Variants in ZNF410 observed in about 807,000 individuals in gnomAD.
ZNF410 encodes the protein another partner for ARF 1.
Under a neutral mutation model 54.8 loss-of-function variants are expected in ZNF410, and 18 were observed. The observed-to-expected ratio is 0.33, with a 90% confidence interval of 0.23 to 0.49. The LOEUF (loss-of-function observed/expected upper bound fraction) is 0.49, where lower values mean the gene tolerates loss of function less well. ZNF410 is among the 20% of genes least tolerant of loss of function. The pLI, the probability that ZNF410 is intolerant of heterozygous loss-of-function variation, is 0.99. For missense variants in ZNF410, 405 were observed against 569.6 expected (o/e 0.71, Z 2.94); for synonymous variants, 191 against 207.3 (o/e 0.92, Z 0.68).
chr14:73,911,400 G>A (rs183760639), intron 8 of ZNF410, among the ~76,000 whole-genome samples: 7 of 152,324 alleles, frequency 4.6e-5, no homozygotes, highest in South Asian at 2.1e-4. Flanking sequence ...GCAAGCTACT[G>A]CAGCAGGAGC....
At chr14:73,926,424 GTTTTGTTTTGT>G (rs1335393370) in intron 11 of ZNF410, among the ~76,000 whole-genome samples, 2 of 150,516 alleles carry the variant, frequency 1.3e-5, no homozygotes, top group Non-Finnish European at 3.0e-5. Context: ...TGGGTTTTTT[GTTTTGTTTTGT>G]TTTTGTTTTT....
chr14:73,917,921 T>TA (rs2055692294), intron 8 of ZNF410, among the ~76,000 whole-genome samples: 1 of 152,170 alleles, frequency 6.6e-6, no homozygotes, highest in Non-Finnish European at 1.5e-5. Context: ...ACCCCACAGA[T>TA]ACCAAAATCC....
In ZNF410 at chr14:73,909,400, A is replaced by T; in HGVS notation, c.973A>T (p.Ser325Cys). The change falls in exon 8 of 12, where the codon AGC becomes TGC. Residue 325 changes from serine (S) to cysteine (C), a missense_variant. Ser to Cys is a moderately radical substitution (Grantham distance 112). Coordinates refer to ENST00000555044, the MANE Select transcript of ZNF410 (RefSeq NM_021188.3). ...GCGRSFAEYS[S>C]LRKHLVVHSG... ...TGGCCGTTCCTTTGCTGAGTATTCT[A>T]GCCTCCGAAAACATCTGGTGGTTCA... 1 of 1,614,122 alleles carries T rather than the reference A, an allele frequency of 6.2e-7. No individual in the cohort carries two copies. The highest frequency in any genetic ancestry group is 8.5e-7 in the Non-Finnish European group (1 of 1,180,012).
chr14:73,908,739 A>G (rs1311894599), intron 7 of ZNF410, among the ~76,000 whole-genome samples: 1 of 152,204 alleles, frequency 6.6e-6, no homozygotes, highest in African/African-American at 2.4e-5. Context: ...GCTTACAAAA[A>G]TTACTGCAAC....
intron 5 of ZNF410, among the ~76,000 whole-genome samples, chr14:73,901,791 G>A (rs2055411079): frequency 6.6e-6 from 1 of 151,378 alleles, no homozygotes; most frequent in Non-Finnish European, 1.5e-5. Flanking sequence ...TTAGCCAGGT[G>A]TGGTAGTGCA....
rs2055582260 is a variant in ZNF410 at position 73,911,707 on chromosome 14, T to C, written c.1003+2277T>C. Among the ~76,000 whole-genome samples the C allele has an allele frequency of 2.6e-5, 4 of 152,214 alleles. No individual in the cohort carries two copies. The South Asian group carries it at 8.3e-4, about 32-fold the overall frequency. On this transcript the variant is annotated intron_variant, in intron 8 of 11. Coordinates refer to ENST00000555044, the MANE Select transcript of ZNF410 (RefSeq NM_021188.3). ...TTCCTTGGTTTTATCTTATAACCAA[T>C]CCATGTTCAGTTTTTTCTACTTGTT...
intron 10 of ZNF410, 69 bp from the exon 11 acceptor site, chr14:73,923,326 G>C: frequency 2.0e-6 from 3 of 1,531,856 alleles, no homozygotes; most frequent in Non-Finnish European, 1.8e-6. Context: ...TTAATGAGAG[G>C]CTTAATGATC....
chr14:73,900,771 C>T (rs1326728357), intron 5 of ZNF410, among the ~76,000 whole-genome samples: 1 of 152,202 alleles, frequency 6.6e-6, no homozygotes, highest in Non-Finnish European at 1.5e-5. Flanking sequence ...ACGTGTGGCC[C>T]AGGATACCTT....
intron 8 of ZNF410, among the ~76,000 whole-genome samples, chr14:73,918,713 T>TC (rs2055707891): frequency 8.0e-5 from 5 of 62,126 alleles, no homozygotes; most frequent in African/African-American, 2.0e-4. Context: ...TTTTTTTTTT[T>TC]TCCCCTAAAC....
intron 2 of ZNF410, chr14:73,893,160 A>G (rs2140294718): frequency 6.6e-6 from 1 of 152,352 alleles, no homozygotes; most frequent in South Asian, 2.1e-4. Context: ...GTTTTGTAAA[A>G]TGTAATCAAT....
intron 1 of ZNF410, 196 bp from the exon 2 acceptor site, chr14:73,891,831 C>G: frequency 1.7e-6 from 1 of 576,406 alleles, no homozygotes; most frequent in Non-Finnish European, 3.0e-6. Flanking sequence ...GGTTGAAATA[C>G]TGCATCAAAG....
intron 3 of ZNF410, chr14:73,895,453 T>A (rs540286974): frequency 2.0e-5 from 3 of 152,294 alleles, no homozygotes; most frequent in Admixed American, 1.3e-4. Context: ...AAGTCAAAGA[T>A]GTCTATACTT....
intron 11 of ZNF410, among the ~76,000 whole-genome samples, chr14:73,931,116 T>C (rs540351921): frequency 6.6e-6 from 1 of 152,294 alleles, no homozygotes; most frequent in Non-Finnish European, 1.5e-5. Flanking sequence ...CCTCTTCCTA[T>C]TTCCTTCTCC....
intron 11 of ZNF410, among the ~76,000 whole-genome samples, chr14:73,929,990 T>G (rs1210389729): frequency 6.6e-6 from 1 of 152,190 alleles, no homozygotes; most frequent in Non-Finnish European, 1.5e-5. Context: ...GCTGTCATAC[T>G]TACTAAAGGT....
chr14:73,912,719 G>C (rs889222540), intron 8 of ZNF410, among the ~76,000 whole-genome samples: 7 of 152,122 alleles, frequency 4.6e-5, no homozygotes, highest in Non-Finnish European at 1.0e-4. Flanking sequence ...TGATGCTCTA[G>C]TTACTTCTAG....
At chr14:73,924,381 C>T (rs2055798229) in intron 11 of ZNF410, among the ~76,000 whole-genome samples, 1 of 152,246 alleles carries the variant, frequency 6.6e-6, no homozygotes, top group South Asian at 2.1e-4. Context: ...TAACAGGGCA[C>T]GGACCAGTGC....
At chr14:73,912,863 G>A (rs2140314133) in intron 8 of ZNF410, among the ~76,000 whole-genome samples, 1 of 150,706 alleles carries the variant, frequency 6.6e-6, no homozygotes, top group Non-Finnish European at 1.5e-5. Context: ...TTGAGTTTTA[G>A]TAGTTTCTTT....
At position 73,902,931 on chromosome 14, in the gene ZNF410, T is replaced by C. The variant is rs187830508; in HGVS notation, c.581-1029T>C. On this transcript the variant is annotated intron_variant, in intron 5 of 11. Transcript: ENST00000555044. ...ACTTTTTAAAATGTGGTTAGAAATT[T>C]AAAAATCATCTGAGTTTTTGAATTC... Among the ~76,000 whole-genome samples, 367 of 152,334 alleles carry C rather than the reference T, an allele frequency of 2.4e-3. 7 individuals carry two copies. The East Asian group carries it at 0.06, about 25-fold the overall frequency.
intron 7 of ZNF410, 185 bp downstream of exon 7, chr14:73,905,268 T>A: frequency 1.6e-6 from 1 of 634,860 alleles, no homozygotes; most frequent in Non-Finnish European, 2.6e-6. Context: ...TATTTTTACC[T>A]GTGTGTGTAG....
Sources: allele counts gnomAD v4.1 joint callset (sites outside exome capture counted in the v4.1 genomes callset), GRCh38; gene constraint gnomAD v4.1.1; transcripts MANE v1.5; gene names NCBI Gene and HGNC (gene_info 2026-07-23, HGNC 2026-07-21).